Variants in TASP1 observed in about 807,000 individuals in gnomAD.
The protein encoded by TASP1 is threonine aspartase 1.
In TASP1, 16 loss-of-function variants were observed where a neutral mutation model predicts 56.6. That is an observed-to-expected ratio of 0.28 (90% CI 0.19 to 0.43). The LOEUF is 0.43. TASP1 is among the 20% of genes least tolerant of loss of function. TASP1 has a pLI of 1.00. For synonymous variants in TASP1, 179 were observed against 184.2 expected (o/e 0.97, Z 0.23); for missense variants, 393 against 511.6 (o/e 0.77, Z 2.24).
chr20:13,360,122 C>A, the TASP1 span, among the ~76,000 whole-genome samples: 1 of 151,932 alleles, frequency 6.6e-6, no homozygotes, highest in Admixed American at 6.6e-5. Context: ...TGCCTATCCA[C>A]CCCGTGGTGC....
intron 10 of TASP1, among the ~76,000 whole-genome samples, chr20:13,516,522 C>T (rs954180314): frequency 6.6e-6 from 1 of 152,082 alleles, no homozygotes; most frequent in Non-Finnish European, 1.5e-5. Context: ...CAACTTACCC[C>T]CTCTCCAACT....
chr20:13,111,751 G>C, the TASP1 span, among the ~76,000 whole-genome samples: 1 of 152,170 alleles, frequency 6.6e-6, no homozygotes, highest in African/African-American at 2.4e-5. Flanking sequence ...AGCAGACTGG[G>C]CATCTCCTTT....
chr20:13,464,146 G>A (rs778869620), intron 11 of TASP1, among the ~76,000 whole-genome samples: 1 of 152,142 alleles, frequency 6.6e-6, no homozygotes, highest in Admixed American at 6.6e-5. Flanking sequence ...ATATTTTGAA[G>A]TCCTAATCCC....
At chr20:13,278,525 A>G in the TASP1 span, among the ~76,000 whole-genome samples, 4 of 152,158 alleles carry the variant, frequency 2.6e-5, no homozygotes, top group Non-Finnish European at 5.9e-5. Flanking sequence ...TTTTTGAGAG[A>G]CAGTGTGGCA....
At chr20:13,181,864 C>T in the TASP1 span, among the ~76,000 whole-genome samples, 3 of 152,128 alleles carry the variant, frequency 2.0e-5, no homozygotes, top group Non-Finnish European at 2.9e-5. Context: ...ATATCAAGCA[C>T]ATTACCAGGC....
the TASP1 span, among the ~76,000 whole-genome samples, chr20:13,303,750 G>T: frequency 6.6e-6 from 1 of 152,218 alleles, no homozygotes. Flanking sequence ...AGATACCAGG[G>T]ATACAGCGGT....
At chr20:13,123,488 C>T in the TASP1 span, among the ~76,000 whole-genome samples, 4 of 152,130 alleles carry the variant, frequency 2.6e-5, no homozygotes, top group African/African-American at 7.2e-5. Context: ...CCAACTAAGG[C>T]ACAGAGAGAT....
intron 10 of TASP1, among the ~76,000 whole-genome samples, chr20:13,526,697 G>A (rs1241737613): frequency 6.6e-6 from 1 of 152,144 alleles, no homozygotes; most frequent in African/African-American, 2.4e-5. Flanking sequence ...GCTAGGTCAG[G>A]AGGCTGCTAA....
At chr20:13,178,416 A>C in the TASP1 span, among the ~76,000 whole-genome samples, 1 of 152,186 alleles carries the variant, frequency 6.6e-6, no homozygotes, top group Admixed American at 6.5e-5. Context: ...ATCCAAAAGA[A>C]GGTAAATCAT....
intron 13 of TASP1, among the ~76,000 whole-genome samples, chr20:13,408,876 A>C (rs987685041): frequency 1.3e-5 from 2 of 151,732 alleles, no homozygotes; most frequent in African/African-American, 4.8e-5. Flanking sequence ...TTTCTTTCCT[A>C]ATCATTCTTT....
intron 13 of TASP1, among the ~76,000 whole-genome samples, chr20:13,415,114 C>A (rs746741977): frequency 1.1e-4 from 17 of 152,026 alleles, no homozygotes; most frequent in Non-Finnish European, 2.2e-4. Context: ...TTTTAAGATG[C>A]CTTCTTACTC....
At chr20:13,247,526 G>GTGTC in the TASP1 span, among the ~76,000 whole-genome samples, 2 of 149,352 alleles carry the variant, frequency 1.3e-5, no homozygotes, top group African/African-American at 4.9e-5. Context: ...GGGTGTGTGT[G>GTGTC]TGTGTGTGTG....
intron 11 of TASP1, among the ~76,000 whole-genome samples, chr20:13,450,108 ATACTATAATTTAC>A (rs1244475016): frequency 5.3e-5 from 8 of 152,252 alleles, no homozygotes; most frequent in African/African-American, 1.7e-4. Context: ...TTACACTACT[ATACTATAATTTAC>A]TAACTGTATA....
intron 11 of TASP1, among the ~76,000 whole-genome samples, chr20:13,457,557 TA>T (rs2146328731): frequency 6.6e-6 from 1 of 152,272 alleles, no homozygotes; most frequent in East Asian, 1.9e-4. Context: ...TTTCTGTATA[TA>T]CACATATAGA....
At chr20:13,553,819 A>T (rs1326136210) in intron 8 of TASP1, among the ~76,000 whole-genome samples, 4 of 152,202 alleles carry the variant, frequency 2.6e-5, no homozygotes, top group African/African-American at 9.7e-5. Flanking sequence ...CCTACCAAAT[A>T]GCCACTACCA....
At chr20:13,320,270 C>T in the TASP1 span, among the ~76,000 whole-genome samples, 1 of 152,146 alleles carries the variant, frequency 6.6e-6, no homozygotes, top group Admixed American at 6.5e-5. Flanking sequence ...AAAAATACTT[C>T]CTAAATTCCC....
chr20:13,495,683 T>C (rs914184831), intron 10 of TASP1, among the ~76,000 whole-genome samples: 4 of 152,138 alleles, frequency 2.6e-5, no homozygotes, highest in Non-Finnish European at 5.9e-5. Context: ...AATTTGGGAC[T>C]CTTCAAGGTT....
chr20:13,286,612 C>A, the TASP1 span, among the ~76,000 whole-genome samples: 12 of 152,252 alleles, frequency 7.9e-5, no homozygotes, highest in African/African-American at 2.9e-4. Context: ...GGAGCAAGCT[C>A]TCCACTCAGA....
the TASP1 span, chr20:13,279,753 G>T: frequency 6.2e-7 from 1 of 1,614,010 alleles, no homozygotes; most frequent in Non-Finnish European, 8.5e-7. Flanking sequence ...AGAGGTCCCT[G>T]TCCTTGGCCA....
Sources: allele counts gnomAD v4.1 joint callset (sites outside exome capture counted in the v4.1 genomes callset), GRCh38; gene constraint gnomAD v4.1.1; transcripts MANE v1.5; gene names NCBI Gene and HGNC (gene_info 2026-07-23, HGNC 2026-07-21).